Variants in NXPE2 observed in about 807,000 individuals in gnomAD.
The protein encoded by NXPE2 is neurexophilin and PC-esterase domain family member 2, also known as NXPE family member 2.
Under a neutral mutation model 34.4 loss-of-function variants are expected in NXPE2, and 34 were observed. The ratio of observed to expected loss-of-function variants is 0.99; its 90% CI spans 0.75 to 1.31. The LOEUF is 1.31. Ranked by LOEUF, NXPE2 falls within the 40% of genes most tolerant of loss-of-function variation. The pLI, the probability that NXPE2 is intolerant of heterozygous loss-of-function variation, is 0.00. For missense variants in NXPE2, 649 were observed against 672.5 expected, an observed-to-expected ratio of 0.97 and a Z score of 0.39; for synonymous variants, 235 against 231.3, an observed-to-expected ratio of 1.02 and a Z score of -0.15.
At chr11:114,489,168 G>T in the NXPE2 span, among the ~76,000 whole-genome samples, 1 of 152,066 alleles carries the variant, frequency 6.6e-6, no homozygotes, top group Admixed American at 6.5e-5. Context: ...GGAAGAAGTT[G>T]AATCTCTGAA....
At chr11:114,529,408 T>C in the NXPE2 span, 1 of 152,258 alleles carries the variant, frequency 6.6e-6, no homozygotes, top group Non-Finnish European at 1.5e-5. Flanking sequence ...TGATGTTTCA[T>C]TCTAATCAAC....
chr11:114,768,486 A>G, the NXPE2 span, among the ~76,000 whole-genome samples: 19 of 152,214 alleles, frequency 1.2e-4, no homozygotes, highest in Non-Finnish European at 2.5e-4. Flanking sequence ...CATTGAATCT[A>G]TAAATTACTT....
chr11:114,691,891 G>T (rs1175647886), intron 2 of NXPE2, among the ~76,000 whole-genome samples: 2 of 152,222 alleles, frequency 1.3e-5, no homozygotes, highest in African/African-American at 4.8e-5. Context: ...AAATGGCCAA[G>T]GGAGCAGGCT....
the NXPE2 span, among the ~76,000 whole-genome samples, chr11:114,465,468 C>T: frequency 0.25 from 38,579 of 151,772 alleles, 5,031 homozygotes; most frequent in East Asian, 0.37. Context: ...TTAGGGTGTA[C>T]ATAAGTGGAA....
At chr11:114,552,728 T>A in the NXPE2 span, 2 of 193,406 alleles carry the variant, frequency 1.0e-5, no homozygotes, top group African/African-American at 4.8e-5. Context: ...AAGTAGTGCG[T>A]ATGGATATGT....
the NXPE2 span, among the ~76,000 whole-genome samples, chr11:114,734,669 A>G: frequency 6.6e-6 from 1 of 152,196 alleles, no homozygotes; most frequent in Non-Finnish European, 1.5e-5. Context: ...TCTCCTGGAT[A>G]TGTTATTTGT....
chr11:114,789,206 G>A, the NXPE2 span, among the ~76,000 whole-genome samples: 1 of 152,206 alleles, frequency 6.6e-6, no homozygotes, highest in Non-Finnish European at 1.5e-5. Flanking sequence ...AAATAGCTAT[G>A]TGAGGTAATG....
At chr11:114,546,658 A>G in the NXPE2 span, among the ~76,000 whole-genome samples, 1 of 152,026 alleles carries the variant, frequency 6.6e-6, no homozygotes, top group East Asian at 1.9e-4. Context: ...CCCCAATAGT[A>G]ACAAACAGAG....
chr11:114,571,995 C>T, the NXPE2 span, among the ~76,000 whole-genome samples: 1 of 152,154 alleles, frequency 6.6e-6, no homozygotes, highest in Non-Finnish European at 1.5e-5. Context: ...TCACAGAGTC[C>T]ACTTCACTCC....
At chr11:114,654,372 T>A in the NXPE2 span, among the ~76,000 whole-genome samples, 1 of 151,668 alleles carries the variant, frequency 6.6e-6, no homozygotes, top group Non-Finnish European at 1.5e-5. Context: ...AAAAAAAAAA[T>A]GGGATACACA....
At chr11:114,724,080 G>GTT in the NXPE2 span, among the ~76,000 whole-genome samples, 2 of 152,082 alleles carry the variant, frequency 1.3e-5, no homozygotes, top group African/African-American at 4.8e-5. Context: ...CAAACTTGTT[G>GTT]GACGGAATAG....
the NXPE2 span, among the ~76,000 whole-genome samples, chr11:114,629,870 A>G: frequency 3.3e-5 from 5 of 150,508 alleles, no homozygotes; most frequent in Non-Finnish European, 7.4e-5. Context: ...ATTCTTATAC[A>G]CCAACAACAG....
chr11:114,663,011 C>CA, the NXPE2 span, among the ~76,000 whole-genome samples: 1 of 152,130 alleles, frequency 6.6e-6, no homozygotes, highest in Non-Finnish European at 1.5e-5. Flanking sequence ...TCCCTGATTC[C>CA]AGCACTTGTC....
chr11:114,633,454 TTC>T, the NXPE2 span, among the ~76,000 whole-genome samples: 18 of 147,204 alleles, frequency 1.2e-4, no homozygotes, highest in Non-Finnish European at 2.5e-4. Flanking sequence ...TGTATATTTT[TTC>T]TTTTTTTTAT....
intron 2 of NXPE2, among the ~76,000 whole-genome samples, chr11:114,696,800 T>C (rs1667816551): frequency 6.6e-6 from 1 of 152,164 alleles, no homozygotes; most frequent in Admixed American, 6.5e-5. Flanking sequence ...AACCCCTGAA[T>C]ATGACCTACA....
the NXPE2 span, among the ~76,000 whole-genome samples, chr11:114,672,139 C>A: frequency 6.6e-5 from 10 of 151,884 alleles, no homozygotes; most frequent in African/African-American, 2.4e-4. Context: ...GGGGGAAGTC[C>A]ACCCCCATGA....
chr11:114,742,322 G>C, the NXPE2 span, among the ~76,000 whole-genome samples: 1 of 152,118 alleles, frequency 6.6e-6, no homozygotes. Context: ...TAGGCTTCCT[G>C]ATGGAGTCCA....
At chr11:114,481,569 C>G in the NXPE2 span, among the ~76,000 whole-genome samples, 2 of 140,532 alleles carry the variant, frequency 1.4e-5, no homozygotes, top group African/African-American at 5.2e-5. Context: ...CTGGTAAGAA[C>G]AACAACACAG....
chr11:114,530,795 G>C, the NXPE2 span: 17 of 1,614,072 alleles, frequency 1.1e-5, no homozygotes, highest in Non-Finnish European at 1.3e-5. Context: ...CCTTTATTCT[G>C]AGTTCAGTCT....
Sources: gnomAD v4.1 joint callset for allele counts (sites outside exome capture counted in the v4.1 genomes callset) on GRCh38, gnomAD v4.1.1 for gene constraint, MANE v1.5 for transcripts, NCBI Gene and HGNC (gene_info 2026-07-23, HGNC 2026-07-21) for gene names.